Variants in LOC128462377 observed in about 807,000 individuals in gnomAD.
chr16:89,366,429 A>C, the LOC128462377 span, among the ~76,000 whole-genome samples: 1 of 152,152 alleles, frequency 6.6e-6, no homozygotes, highest in Non-Finnish European at 1.5e-5. Context: ...GGTTGAACTA[A>C]TTTACACTCC....
the LOC128462377 span, among the ~76,000 whole-genome samples, chr16:89,332,384 C>T: frequency 1.3e-5 from 2 of 152,280 alleles, no homozygotes; most frequent in Non-Finnish European, 2.9e-5. Context: ...AAACACTGAG[C>T]CCCCCAAGTC....
chr16:89,374,288 A>G, the LOC128462377 span, among the ~76,000 whole-genome samples: 1 of 152,150 alleles, frequency 6.6e-6, no homozygotes, highest in Non-Finnish European at 1.5e-5. Flanking sequence ...CTTAAAAAAT[A>G]TTACTAGAGA....
At chr16:89,406,284 C>A in the LOC128462377 span, among the ~76,000 whole-genome samples, 1 of 152,172 alleles carries the variant, frequency 6.6e-6, no homozygotes, top group East Asian at 1.9e-4. Context: ...ACAGACATGT[C>A]TCAGGCCAAC....
At chr16:89,404,383 T>A in the LOC128462377 span, among the ~76,000 whole-genome samples, 1 of 152,344 alleles carries the variant, frequency 6.6e-6, no homozygotes, top group East Asian at 1.9e-4. Flanking sequence ...AAAAATTGCC[T>A]TCACTGAAAA....
At chr16:89,324,519 A>G in the LOC128462377 span, 1 of 456,232 alleles carries the variant, frequency 2.2e-6, no homozygotes, top group South Asian at 1.5e-5. Flanking sequence ...GGAAGCTGCC[A>G]AAGGAGATTC....
the LOC128462377 span, among the ~76,000 whole-genome samples, chr16:89,390,080 G>A: frequency 7.8e-4 from 48 of 61,666 alleles, 9 homozygotes; most frequent in South Asian, 0.023. Flanking sequence ...CGAGTGTGGC[G>A]GGGAGCACAG....
chr16:89,334,913 G>C, the LOC128462377 span, among the ~76,000 whole-genome samples: 1 of 152,114 alleles, frequency 6.6e-6, no homozygotes, highest in African/African-American at 2.4e-5. Flanking sequence ...CTGCATGCAT[G>C]AGGGCCCCAT....
chr16:89,382,674 C>T, the LOC128462377 span, among the ~76,000 whole-genome samples: 1 of 151,402 alleles, frequency 6.6e-6, no homozygotes, highest in Non-Finnish European at 1.5e-5. Flanking sequence ...TAGATGGGGT[C>T]TCACTATGTT....
At chr16:89,382,687 C>T in the LOC128462377 span, among the ~76,000 whole-genome samples, 1,377 of 151,346 alleles carry the variant, frequency 9.1e-3, 17 homozygotes, top group African/African-American at 0.031. Context: ...ACTATGTTGC[C>T]CAGGTTGGTC....
the LOC128462377 span, among the ~76,000 whole-genome samples, chr16:89,389,410 T>G: frequency 3.3e-5 from 5 of 151,252 alleles, no homozygotes; most frequent in Admixed American, 6.6e-5. Flanking sequence ...GAAAATATGA[T>G]TACATAGGAG....
At chr16:89,381,805 C>T in the LOC128462377 span, among the ~76,000 whole-genome samples, 1 of 152,152 alleles carries the variant, frequency 6.6e-6, no homozygotes. Flanking sequence ...CACATTGACC[C>T]CACGCGAATG....
the LOC128462377 span, among the ~76,000 whole-genome samples, chr16:89,384,993 C>T: frequency 1.9e-3 from 261 of 140,616 alleles, 2 homozygotes; most frequent in African/African-American, 6.1e-3. Context: ...TCAAGTGATT[C>T]TCCTGACTCA....
chr16:89,359,702 G>A, the LOC128462377 span, among the ~76,000 whole-genome samples: 1 of 152,172 alleles, frequency 6.6e-6, no homozygotes, highest in Non-Finnish European at 1.5e-5. Flanking sequence ...CTGGGTAACT[G>A]TACAAGAGGC....
At chr16:89,417,017 G>T in the LOC128462377 span, among the ~76,000 whole-genome samples, 3 of 152,030 alleles carry the variant, frequency 2.0e-5, no homozygotes, top group Admixed American at 6.6e-5. Context: ...CCACTACCCA[G>T]GCTGGCTTCA....
At chr16:89,356,180 A>T in the LOC128462377 span, among the ~76,000 whole-genome samples, 1 of 152,256 alleles carries the variant, frequency 6.6e-6, no homozygotes, top group East Asian at 1.9e-4. Flanking sequence ...GTTTCTGATC[A>T]TCTTTGTTTA....
the LOC128462377 span, among the ~76,000 whole-genome samples, chr16:89,383,999 C>A: frequency 6.6e-6 from 1 of 152,136 alleles, no homozygotes; most frequent in East Asian, 1.9e-4. Context: ...GCAGGCAGGT[C>A]ACCTGAGCTC....
At chr16:89,346,079 T>G in the LOC128462377 span, among the ~76,000 whole-genome samples, 2 of 149,872 alleles carry the variant, frequency 1.3e-5, no homozygotes, top group Admixed American at 6.6e-5. Flanking sequence ...CTGTCTCCAC[T>G]AACAACACAA....
At chr16:89,324,121 C>T in the LOC128462377 span, 9 of 713,000 alleles carry the variant, frequency 1.3e-5, no homozygotes, top group Non-Finnish European at 1.7e-5. Context: ...AAGTGCCCCA[C>T]GGCACAACGC....
At chr16:89,353,906 C>T in the LOC128462377 span, among the ~76,000 whole-genome samples, 2 of 152,218 alleles carry the variant, frequency 1.3e-5, no homozygotes, top group Admixed American at 6.5e-5. Context: ...ATGCAGGGAG[C>T]GTGGGGCATG....
Sources: gnomAD v4.1 joint callset for allele counts (sites outside exome capture counted in the v4.1 genomes callset) on GRCh38, gnomAD v4.1.1 for gene constraint, MANE v1.5 for transcripts.